Variants in SIPA1L1 observed in about 807,000 individuals in gnomAD.
The protein encoded by SIPA1L1 is signal induced proliferation associated 1 like 1.
Under a neutral mutation model 162.7 loss-of-function variants are expected in SIPA1L1, and 26 were observed. That is an observed-to-expected ratio of 0.16 (90% CI 0.12 to 0.22). The LOEUF (loss-of-function observed/expected upper bound fraction) is 0.22, where lower values mean the gene tolerates loss of function less well. SIPA1L1 is among the 10% of genes least tolerant of loss of function. SIPA1L1 has a pLI of 1.00. For synonymous variants in SIPA1L1, 829 were observed against 837.4 expected (o/e 0.99, Z 0.17); for missense variants, 1,874 against 2,241.0 (o/e 0.84, Z 3.31).
chr14:71,407,413 C>CCCTT lies in SIPA1L1; in HGVS notation c.-465+86255_-465+86258dup, dbSNP rs112922074. On this transcript the variant is annotated intron_variant, in intron 2 of 23. Coordinates refer to ENST00000381232, the MANE Select transcript of SIPA1L1 (RefSeq NM_001386936.1). The stretch of plus-strand genomic sequence containing the variant: ...TCTTTTCTTTTCTTTCTTTCTCTTT[C>CCCTT]CCTTCCTTCCTTCCTTCCTTCCTTC... 2.4e-3 allele frequency among the ~76,000 whole-genome samples: 365 copies of CCCTT among 149,164 alleles called. 5 individuals carry two copies. The highest frequency in any genetic ancestry group is 0.014 in the South Asian group (67 of 4,708).
intron 2 of SIPA1L1, among the ~76,000 whole-genome samples, chr14:71,401,715 A>G (rs926654741): frequency 6.6e-6 from 1 of 152,128 alleles, no homozygotes; most frequent in Non-Finnish European, 1.5e-5. Flanking sequence ...AAAATGTTAA[A>G]TGAATGCTAA....
intron 19 of SIPA1L1, among the ~76,000 whole-genome samples, chr14:71,728,330 G>A (rs979749269): frequency 1.1e-4 from 16 of 152,146 alleles, no homozygotes; most frequent in Admixed American, 2.6e-4. Flanking sequence ...AAAAGAGAAG[G>A]GAAATTATCA....
In SIPA1L1 at chr14:71,485,395, G is replaced by T. The variant is rs559020906; in HGVS notation, c.-464-27348G>T. Among the ~76,000 whole-genome samples the T allele has an allele frequency of 6.6e-5, 10 of 152,308 alleles. No individual in the cohort carries two copies. The South Asian group carries it at 2.1e-3, about 32-fold the overall frequency. On this transcript the variant is annotated intron_variant, in intron 2 of 23. Coordinates refer to ENST00000381232, the MANE Select transcript of SIPA1L1 (RefSeq NM_001386936.1). The stretch of plus-strand genomic sequence containing the variant: ...TGAAGCTTCATCTGTATTTACAGCT[G>T]CTCCCCATTGCCCATTACCACCTGA...
intron 6 of SIPA1L1, 103 bp downstream of exon 6, chr14:71,618,990 T>C: frequency 7.7e-7 from 1 of 1,297,530 alleles, no homozygotes; most frequent in Non-Finnish European, 1.1e-6. Flanking sequence ...TGGTTACAGC[T>C]GTCTTTGGAG....
intron 2 of SIPA1L1, among the ~76,000 whole-genome samples, chr14:71,334,743 C>T (rs1241102555): frequency 6.6e-6 from 1 of 152,022 alleles, no homozygotes; most frequent in Non-Finnish European, 1.5e-5. Flanking sequence ...CTTCATGTTT[C>T]TTGATTCAGA....
intron 2 of SIPA1L1, among the ~76,000 whole-genome samples, chr14:71,411,343 C>T (rs2042389952): frequency 6.6e-6 from 1 of 152,192 alleles, no homozygotes; most frequent in Admixed American, 6.5e-5. Context: ...TGCACTACAA[C>T]TTCTGAACCT....
intron 5 of SIPA1L1, among the ~76,000 whole-genome samples, chr14:71,617,135 T>C (rs1272693411): frequency 1.3e-5 from 2 of 152,202 alleles, no homozygotes; most frequent in African/African-American, 4.8e-5. Flanking sequence ...GTCTTGTTTC[T>C]CTTTAAGTTC....
intron 2 of SIPA1L1, among the ~76,000 whole-genome samples, chr14:71,511,923 G>A (rs1320907223): frequency 1.3e-5 from 2 of 152,124 alleles, no homozygotes; most frequent in African/African-American, 4.8e-5. Context: ...GCCCCGAGAG[G>A]GCTTGCCTCC....
chr14:71,559,528 T>G (rs1314767182), intron 4 of SIPA1L1, among the ~76,000 whole-genome samples: 1 of 152,230 alleles, frequency 6.6e-6, no homozygotes, highest in Non-Finnish European at 1.5e-5. Flanking sequence ...GCATTCATGA[T>G]TTTATCATTT....
At chr14:71,703,237 T>C (rs1199769507) in intron 15 of SIPA1L1, among the ~76,000 whole-genome samples, 4 of 152,222 alleles carry the variant, frequency 2.6e-5, no homozygotes, top group African/African-American at 9.6e-5. Context: ...GACTGTTGGA[T>C]TTTTTCCTCC....
At chr14:71,378,536 T>G (rs1166888391) in intron 2 of SIPA1L1, among the ~76,000 whole-genome samples, 1 of 152,204 alleles carries the variant, frequency 6.6e-6, no homozygotes, top group African/African-American at 2.4e-5. Flanking sequence ...ATTTCAATCC[T>G]TTTATTGAGA....
chr14:71,481,323 A>G lies in SIPA1L1; in HGVS notation c.-464-31420A>G, dbSNP rs531991293. On this transcript the variant is annotated intron_variant, in intron 2 of 23. Transcript: ENST00000381232. ...GCAAAACCCTACCTCTACAAAAAAT[A>G]CAAAAATCAGCCGGACATGGTAGTG... Among the ~76,000 whole-genome samples, 23 of 152,272 alleles carry G rather than the reference A, an allele frequency of 1.5e-4. No homozygotes were observed. In the South Asian group the frequency reaches 4.6e-3, roughly 30 times the overall value.
At chr14:71,517,416 T>G (rs1429182171) in intron 3 of SIPA1L1, among the ~76,000 whole-genome samples, 1 of 152,248 alleles carries the variant, frequency 6.6e-6, no homozygotes, top group Non-Finnish European at 1.5e-5. Context: ...TCACTGATTT[T>G]CCTGCAAACA....
At chr14:71,495,804 C>G (rs939890317) in intron 2 of SIPA1L1, among the ~76,000 whole-genome samples, 1 of 137,292 alleles carries the variant, frequency 7.3e-6, no homozygotes, top group Admixed American at 8.2e-5. Context: ...AATCCCAGCA[C>G]TTTGAGAGGC....
intron 5 of SIPA1L1, among the ~76,000 whole-genome samples, chr14:71,596,242 A>G (rs1426198269): frequency 6.6e-6 from 1 of 152,228 alleles, no homozygotes; most frequent in Non-Finnish European, 1.5e-5. Context: ...AAAAATGAGC[A>G]TTAGAGAAGC....
intron 2 of SIPA1L1, among the ~76,000 whole-genome samples, chr14:71,462,640 G>T (rs537536100): frequency 1.3e-5 from 2 of 152,102 alleles, no homozygotes; most frequent in East Asian, 1.9e-4. Flanking sequence ...GAAGTGGAAG[G>T]TCCCTGAATT....
chr14:71,601,697 G>A (rs1000502754), intron 5 of SIPA1L1, among the ~76,000 whole-genome samples: 2 of 152,112 alleles, frequency 1.3e-5, no homozygotes, highest in African/African-American at 2.4e-5. Flanking sequence ...GAATTCAACA[G>A]CAAAGCCATT....
At chr14:71,675,618 C>T (rs1038530947) in intron 12 of SIPA1L1, among the ~76,000 whole-genome samples, 1 of 152,236 alleles carries the variant, frequency 6.6e-6, no homozygotes, top group Non-Finnish European at 1.5e-5. Flanking sequence ...TTCTCCTCCG[C>T]ACTTCACACT....
intron 2 of SIPA1L1, among the ~76,000 whole-genome samples, chr14:71,479,926 A>G (rs2142581379): frequency 6.6e-6 from 1 of 151,656 alleles, no homozygotes; most frequent in Admixed American, 6.6e-5. Flanking sequence ...TTTAGTGGAG[A>G]CAAGCCCTTA....
Sources: gnomAD v4.1 joint callset for allele counts (sites outside exome capture counted in the v4.1 genomes callset) on GRCh38, gnomAD v4.1.1 for gene constraint, MANE v1.5 for transcripts, NCBI Gene and HGNC (gene_info 2026-07-23, HGNC 2026-07-21) for gene names.